The following GRM5 variants were observed in gnomAD, a reference collection of about 807,000 sequenced individuals.
GRM5 encodes the protein glutamate metabotropic receptor 5.
Under a neutral mutation model 83.1 loss-of-function variants are expected in GRM5, and 19 were observed. That is an observed-to-expected ratio of 0.23 (90% confidence interval 0.16 to 0.34). GRM5 has a LOEUF of 0.34. GRM5 is among the 10% of genes least tolerant of loss of function. The pLI, the probability that GRM5 is intolerant of heterozygous loss-of-function variation, is 1.00. For missense variants in GRM5, 1,160 were observed against 1,588.3 expected (o/e 0.73, Z 4.58); for synonymous variants, 675 against 633.6 (o/e 1.07, Z -0.98).
At chr11:88,847,895 G>A (rs1428913738) in intron 3 of GRM5, among the ~76,000 whole-genome samples, 1 of 152,118 alleles carries the variant, frequency 6.6e-6, no homozygotes, top group Non-Finnish European at 1.5e-5. Context: ...CATGGAAAAT[G>A]GCAAATATTA....
chr11:88,919,646 A>G (rs1378980195), intron 2 of GRM5, among the ~76,000 whole-genome samples: 1 of 151,990 alleles, frequency 6.6e-6, no homozygotes, highest in Non-Finnish European at 1.5e-5. Context: ...ACTATATGTT[A>G]GGCCACAAAA....
chr11:88,789,509 G>A (rs1943132552), intron 3 of GRM5, among the ~76,000 whole-genome samples: 1 of 151,990 alleles, frequency 6.6e-6, no homozygotes, highest in Non-Finnish European at 1.5e-5. Flanking sequence ...TTTTGTTCAA[G>A]TACACTGTAT....
intron 2 of GRM5, among the ~76,000 whole-genome samples, chr11:88,896,625 G>C (rs1368454666): frequency 6.6e-6 from 1 of 151,886 alleles, no homozygotes; most frequent in Non-Finnish European, 1.5e-5. Flanking sequence ...GTGCAGTTCT[G>C]AGGACCAGAG....
At chr11:88,882,313 A>G (rs1294127273) in intron 2 of GRM5, among the ~76,000 whole-genome samples, 1 of 151,252 alleles carries the variant, frequency 6.6e-6, no homozygotes, top group Admixed American at 6.6e-5. Flanking sequence ...GCACTTTGGG[A>G]GGCCAAGGCG....
intron 5 of GRM5, among the ~76,000 whole-genome samples, chr11:88,598,497 G>C (rs1937884264): frequency 6.6e-6 from 1 of 150,956 alleles, no homozygotes; most frequent in Non-Finnish European, 1.5e-5. Context: ...TCAGTAACTT[G>C]ATAATTTTCC....
rs1943185536 is a variant in GRM5 at position 88,579,656 on chromosome 11, A to G, written c.1690+10945T>C. 3.9e-5 allele frequency among the ~76,000 whole-genome samples: 6 copies of G among 152,324 alleles called. No homozygotes were observed. The South Asian group carries it at 1.2e-3, about 32-fold the overall frequency. ...TTTCTGACCTTTTAATGGAAGAACA[A>G]AAAGACCAATGTATTGGGAGGAAGA... On this transcript the variant is annotated intron_variant, in intron 7 of 9. Coordinates refer to ENST00000305447, the MANE Select transcript of GRM5 (RefSeq NM_001143831.3).
chr11:88,647,725 A>C (rs1489788592), intron 4 of GRM5, among the ~76,000 whole-genome samples: 15 of 152,152 alleles, frequency 9.9e-5, no homozygotes, highest in Admixed American at 9.2e-4. Flanking sequence ...CAACCTACAA[A>C]ATGGGAGAAA....
chr11:88,748,585 A>T (rs1287351971), intron 3 of GRM5, among the ~76,000 whole-genome samples: 2 of 152,160 alleles, frequency 1.3e-5, no homozygotes, highest in African/African-American at 4.8e-5. Flanking sequence ...CTGCTCTACC[A>T]GAAAGCATCC....
At chr11:88,727,882 G>A (rs1010589890) in intron 3 of GRM5, among the ~76,000 whole-genome samples, 5 of 152,200 alleles carry the variant, frequency 3.3e-5, no homozygotes, top group African/African-American at 9.6e-5. Context: ...AGCTAAAGCA[G>A]TGTTTAGAGG....
chr11:88,928,232 G>T (rs557548254), intron 2 of GRM5, among the ~76,000 whole-genome samples: 11 of 152,014 alleles, frequency 7.2e-5, no homozygotes, highest in Non-Finnish European at 1.5e-4. Flanking sequence ...GGAATTCTGG[G>T]TTTTAATTGT....
intron 2 of GRM5, among the ~76,000 whole-genome samples, chr11:88,974,793 T>C (rs1161300422): frequency 6.6e-6 from 1 of 152,126 alleles, no homozygotes; most frequent in Non-Finnish European, 1.5e-5. Context: ...TTTAATGTCT[T>C]CTCTCTCACC....
At chr11:88,982,598 T>C (rs549439572) in intron 2 of GRM5, among the ~76,000 whole-genome samples, 91 of 152,276 alleles carry the variant, frequency 6.0e-4, no homozygotes, top group African/African-American at 1.9e-3. Flanking sequence ...CATATATACA[T>C]GCACCTGTAC....
intron 1 of GRM5, among the ~76,000 whole-genome samples, chr11:89,049,594 A>G (rs1941714503): frequency 1.3e-5 from 2 of 152,218 alleles, no homozygotes; most frequent in South Asian, 4.1e-4. Context: ...TGTAACTTGA[A>G]TCATGTTTCT....
intron 3 of GRM5, among the ~76,000 whole-genome samples, chr11:88,698,371 G>T (rs1266933558): frequency 1.3e-5 from 2 of 152,102 alleles, no homozygotes; most frequent in African/African-American, 4.8e-5. Context: ...TGTTTCCTCT[G>T]CCTGAAATAC....
intron 3 of GRM5, among the ~76,000 whole-genome samples, chr11:88,772,034 C>CT (rs34842099): frequency 1.8e-4 from 27 of 149,760 alleles, no homozygotes; most frequent in South Asian, 8.6e-4. Context: ...GCTTATCAAT[C>CT]TTTTTTTTTT....
At chr11:88,612,123 C>G (rs558008351) in intron 4 of GRM5, among the ~76,000 whole-genome samples, 2 of 142,748 alleles carry the variant, frequency 1.4e-5, no homozygotes, top group African/African-American at 2.6e-5. Context: ...CCCCCTCCCC[C>G]CATCCCACCA....
At chr11:89,027,822 G>A (rs1288749670) in intron 2 of GRM5, among the ~76,000 whole-genome samples, 1 of 152,166 alleles carries the variant, frequency 6.6e-6, no homozygotes, top group Non-Finnish European at 1.5e-5. Flanking sequence ...TAATATCACT[G>A]CTATGGTCTG....
intron 2 of GRM5, among the ~76,000 whole-genome samples, chr11:88,939,817 GTA>G (rs1024095866): frequency 2.6e-5 from 4 of 151,880 alleles, no homozygotes; most frequent in Non-Finnish European, 5.9e-5. Flanking sequence ...CTATTAAGAA[GTA>G]GTAGCTTCCT....
intron 3 of GRM5, among the ~76,000 whole-genome samples, chr11:88,655,490 A>T (rs1301836444): frequency 6.6e-6 from 1 of 152,074 alleles, no homozygotes; most frequent in African/African-American, 2.4e-5. Context: ...GATTATGAAT[A>T]TTACATAAGA....
Sources: allele counts gnomAD v4.1 joint callset (sites outside exome capture counted in the v4.1 genomes callset), GRCh38; gene constraint gnomAD v4.1.1; transcripts MANE v1.5; gene names NCBI Gene and HGNC (gene_info 2026-07-23, HGNC 2026-07-21).